The following ENTREP2 variants were observed in gnomAD, a reference collection of about 807,000 sequenced individuals.
ENTREP2 encodes endosomal transmembrane epsin interactor 2, also known as protein ENTREP2.
chr15:29,594,393 A>G, the ENTREP2 span, among the ~76,000 whole-genome samples: 1 of 151,750 alleles, frequency 6.6e-6, no homozygotes, highest in South Asian at 2.1e-4. Context: ...ATGCCTCCCA[A>G]CTCTCACCTG....
At chr15:29,224,242 T>G in the ENTREP2 span, among the ~76,000 whole-genome samples, 581 of 152,204 alleles carry the variant, frequency 3.8e-3, 6 homozygotes, top group African/African-American at 0.013. Context: ...CCCGGTGGGT[T>G]CGTGGTCTCA....
At chr15:29,402,251 A>AATATATATATATATAT in the ENTREP2 span, among the ~76,000 whole-genome samples, 2,303 of 111,788 alleles carry the variant, frequency 0.021, 137 homozygotes, top group East Asian at 0.2. Flanking sequence ...ATTATAGAAG[A>AATATATATATATATAT]ATATATATAT....
the ENTREP2 span, among the ~76,000 whole-genome samples, chr15:29,208,572 G>C: frequency 6.0e-3 from 910 of 152,286 alleles, 11 homozygotes; most frequent in African/African-American, 0.021. Context: ...TCAGTAAACA[G>C]AACTCACATA....
At chr15:29,489,134 G>A in the ENTREP2 span, among the ~76,000 whole-genome samples, 1 of 134,008 alleles carries the variant, frequency 7.5e-6, no homozygotes, top group Non-Finnish European at 1.6e-5. Flanking sequence ...CCTCAGTAAA[G>A]AAAAATAAAA....
chr15:29,366,066 A>G, the ENTREP2 span, among the ~76,000 whole-genome samples: 2 of 152,074 alleles, frequency 1.3e-5, no homozygotes, highest in Non-Finnish European at 2.9e-5. Flanking sequence ...ATACTGTTCT[A>G]TGTCATTACT....
the ENTREP2 span, among the ~76,000 whole-genome samples, chr15:29,119,068 G>A: frequency 6.6e-6 from 1 of 152,238 alleles, no homozygotes. Context: ...CAGAGGGTGT[G>A]GGCCAAGGGC....
chr15:29,570,799 C>G, the ENTREP2 span: 1 of 600,726 alleles, frequency 1.7e-6, no homozygotes. Flanking sequence ...ACAGAGGGTC[C>G]GAGGCAAGTT....
At chr15:29,493,457 A>G in the ENTREP2 span, among the ~76,000 whole-genome samples, 1 of 152,038 alleles carries the variant, frequency 6.6e-6, no homozygotes, top group Non-Finnish European at 1.5e-5. Context: ...CCTCATAAAG[A>G]GAAGCTATGT....
the ENTREP2 span, among the ~76,000 whole-genome samples, chr15:29,262,300 T>C: frequency 6.6e-6 from 1 of 152,342 alleles, no homozygotes; most frequent in Admixed American, 6.5e-5. Flanking sequence ...TTCTTTCATC[T>C]GCCCCAGTCA....
the ENTREP2 span, among the ~76,000 whole-genome samples, chr15:29,130,718 G>A: frequency 3.3e-5 from 5 of 152,230 alleles, no homozygotes; most frequent in South Asian, 4.1e-4. Context: ...ATCACCTCTC[G>A]CAAGCAGAGT....
chr15:29,188,646 G>A, the ENTREP2 span, among the ~76,000 whole-genome samples: 1 of 152,116 alleles, frequency 6.6e-6, no homozygotes, highest in Non-Finnish European at 1.5e-5. Flanking sequence ...TTTGGTGTTT[G>A]ACCCCAGCTC....
At chr15:29,339,111 C>T in the ENTREP2 span, among the ~76,000 whole-genome samples, 1 of 152,194 alleles carries the variant, frequency 6.6e-6, no homozygotes, top group Non-Finnish European at 1.5e-5. Flanking sequence ...CCTGCAAAAC[C>T]TCAGTGATTT....
chr15:29,142,238 C>T, the ENTREP2 span, among the ~76,000 whole-genome samples: 1 of 152,130 alleles, frequency 6.6e-6, no homozygotes, highest in African/African-American at 2.4e-5. Flanking sequence ...AGAAATACAC[C>T]CAGACAGGAC....
At chr15:29,598,902 T>C in the ENTREP2 span, among the ~76,000 whole-genome samples, 2 of 152,166 alleles carry the variant, frequency 1.3e-5, no homozygotes, top group East Asian at 1.9e-4. Context: ...TTCACCGTGT[T>C]AGCCAGGATG....
chr15:29,500,956 T>C, the ENTREP2 span, among the ~76,000 whole-genome samples: 3 of 151,938 alleles, frequency 2.0e-5, no homozygotes, highest in African/African-American at 7.2e-5. Context: ...TCAAATTAGA[T>C]ACCCTAGATG....
At chr15:29,136,973 C>T in the ENTREP2 span, 2 of 1,338,164 alleles carry the variant, frequency 1.5e-6, no homozygotes, top group East Asian at 3.1e-5. Flanking sequence ...CAACTCCCAC[C>T]ACCCGGACAC....
chr15:29,190,233 G>A, the ENTREP2 span, among the ~76,000 whole-genome samples: 1 of 152,166 alleles, frequency 6.6e-6, no homozygotes, highest in Non-Finnish European at 1.5e-5. Context: ...GAATCCCTGT[G>A]TGGTGTGGTG....
At chr15:29,128,825 C>G in the ENTREP2 span, 1 of 1,550,882 alleles carries the variant, frequency 6.4e-7, no homozygotes, top group Non-Finnish European at 8.7e-7. Context: ...TTTGGGTCCC[C>G]GGAGCTGGAC....
the ENTREP2 span, among the ~76,000 whole-genome samples, chr15:29,410,966 A>G: frequency 2.0e-5 from 3 of 152,032 alleles, no homozygotes; most frequent in Non-Finnish European, 4.4e-5. Context: ...TTTTATTTTT[A>G]GTAGAGACGT....
Sources: allele counts gnomAD v4.1 joint callset (sites outside exome capture counted in the v4.1 genomes callset), GRCh38; gene constraint gnomAD v4.1.1; transcripts MANE v1.5; gene names NCBI Gene and HGNC (gene_info 2026-07-23, HGNC 2026-07-21).